Variants in PAK5 observed in about 807,000 individuals in gnomAD.
PAK5 encodes serine/threonine-protein kinase PAK 5.
PAK5 carries 16 observed loss-of-function variants against 65.9 expected under a neutral mutation model. That is an observed-to-expected ratio of 0.24 (90% CI 0.16 to 0.37). The LOEUF (loss-of-function observed/expected upper bound fraction) is 0.37, where lower values mean the gene tolerates loss of function less well. PAK5 is among the 10% of genes least tolerant of loss of function. The pLI, the probability that PAK5 is intolerant of heterozygous loss-of-function variation, is 1.00. For missense variants in PAK5, 785 were observed against 903.9 expected, an observed-to-expected ratio of 0.87 and a Z score of 1.69; for synonymous variants, 371 against 354.9, an observed-to-expected ratio of 1.05 and a Z score of -0.51.
rs538966358 is a variant in PAK5 at position 9,654,651 on chromosome 20, C to A, written c.-11-10312G>T. ...TTAGACCTTTTCTATGACTTCTCAC[C>A]GACCTTAAAAACAAAACCAAACTCC... On this transcript the variant is annotated intron_variant, in intron 2 of 9. Coordinates refer to ENST00000353224, the MANE Select transcript of PAK5 (RefSeq NM_177990.4). 2.0e-5 allele frequency among the ~76,000 whole-genome samples: 3 copies of A among 152,048 alleles called. No homozygotes were observed. In the South Asian group the frequency reaches 6.2e-4, roughly 32 times the overall value.
At chr20:9,692,971 A>G (rs968031329) in intron 2 of PAK5, among the ~76,000 whole-genome samples, 10 of 152,218 alleles carry the variant, frequency 6.6e-5, no homozygotes, top group Non-Finnish European at 1.5e-4. Context: ...AGAATTAAAT[A>G]AAATAAAGTA....
chr20:9,785,459 A>T (rs151155384), intron 1 of PAK5, among the ~76,000 whole-genome samples: 3 of 152,298 alleles, frequency 2.0e-5, no homozygotes, highest in Admixed American at 2.0e-4. Context: ...ATCACAGCAC[A>T]TCTGTTTTGC....
chr20:9,566,428 T>C (rs774196911), intron 4 of PAK5, 44 bp from the exon 5 acceptor site: 8 of 1,574,370 alleles, frequency 5.1e-6, no homozygotes, highest in African/African-American at 1.3e-5. Context: ...ATGCTGGATC[T>C]GAATGCCACA....
intron 1 of PAK5, among the ~76,000 whole-genome samples, chr20:9,733,692 G>A (rs2423449): frequency 2.0e-5 from 3 of 151,850 alleles, no homozygotes; most frequent in Non-Finnish European, 2.9e-5. Flanking sequence ...TGATCCACCC[G>A]CCTCATCCTC....
chr20:9,792,082 T>C (rs1354003079), intron 1 of PAK5, among the ~76,000 whole-genome samples: 3 of 152,118 alleles, frequency 2.0e-5, no homozygotes, highest in African/African-American at 7.2e-5. Flanking sequence ...CCTTGAGGGG[T>C]GACTCAATGA....
intron 7 of PAK5, among the ~76,000 whole-genome samples, 164 bp from the exon 8 acceptor site, chr20:9,544,658 G>T (rs1448875606): frequency 6.6e-6 from 1 of 152,106 alleles, no homozygotes; most frequent in African/African-American, 2.4e-5. Context: ...GGAAAGGCAT[G>T]GTCCATTTTA....
chr20:9,740,675 T>C (rs944204963), intron 1 of PAK5, among the ~76,000 whole-genome samples: 1 of 152,178 alleles, frequency 6.6e-6, no homozygotes, highest in Non-Finnish European at 1.5e-5. Context: ...CAGAGCAGAT[T>C]CGAGTTGCCC....
Position 9,557,333 on chromosome 20 carries a change from G to A in PAK5, c.1743+275C>T, listed in dbSNP as rs6056697. On this transcript the variant is annotated intron_variant, in intron 7 of 9. Coordinates refer to ENST00000353224, the MANE Select transcript of PAK5 (RefSeq NM_177990.4). ...TTCTCCTCCAACAAAAAACAGATGT[G>A]GCAGAAAAGGAAAAGAAATAGCCAT... Among the ~76,000 whole-genome samples the A allele has an allele frequency of 1.1e-3, 168 of 152,198 alleles. 1 individual carries two copies. Among genetic ancestry groups the A allele is most frequent in the African/African-American group, 3.8e-3 (157 of 41,504 alleles).
chr20:9,615,168 G>C (rs1177705783), intron 3 of PAK5, among the ~76,000 whole-genome samples: 1 of 152,212 alleles, frequency 6.6e-6, no homozygotes, highest in African/African-American at 2.4e-5. Flanking sequence ...GTTGTCCGGG[G>C]TTAGGGTGTG....
chr20:9,682,783 T>C (rs80329581), intron 2 of PAK5, among the ~76,000 whole-genome samples: 168 of 152,316 alleles, frequency 1.1e-3, no homozygotes, highest in East Asian at 3.5e-3. Flanking sequence ...TTCACTTTGA[T>C]GGTCAAAGGA....
chr20:9,729,789 G>T (rs74270227), intron 1 of PAK5, among the ~76,000 whole-genome samples: 3 of 151,358 alleles, frequency 2.0e-5, no homozygotes, highest in Non-Finnish European at 2.9e-5. Flanking sequence ...TTGTTTTTTT[G>T]TTTTTTTTAC....
chr20:9,779,525 T>C (rs540789010), intron 1 of PAK5, among the ~76,000 whole-genome samples: 3 of 151,878 alleles, frequency 2.0e-5, no homozygotes, highest in African/African-American at 7.2e-5. Flanking sequence ...GATTTGATGC[T>C]TCATAAAATT....
chr20:9,795,814 G>T (rs749821308), intron 1 of PAK5, among the ~76,000 whole-genome samples: 15 of 151,820 alleles, frequency 9.9e-5, no homozygotes, highest in African/African-American at 2.2e-4. Flanking sequence ...ACTCACAGAG[G>T]GAGAGAGGAA....
intron 1 of PAK5, among the ~76,000 whole-genome samples, chr20:9,744,537 A>T (rs1475306948): frequency 1.3e-5 from 2 of 152,190 alleles, no homozygotes. Context: ...TAAAATATTA[A>T]CAAAGTAAGA....
At chr20:9,794,360 A>G (rs983217351) in intron 1 of PAK5, among the ~76,000 whole-genome samples, 3 of 152,070 alleles carry the variant, frequency 2.0e-5, no homozygotes, top group Admixed American at 6.6e-5. Flanking sequence ...AATTTAAAAC[A>G]AGCAAAAAAG....
intron 3 of PAK5, among the ~76,000 whole-genome samples, chr20:9,596,988 T>C (rs1306773399): frequency 6.6e-6 from 1 of 152,216 alleles, no homozygotes; most frequent in Non-Finnish European, 1.5e-5. Context: ...AGCATGCTCT[T>C]AGTTGCAAGG....
intron 1 of PAK5, among the ~76,000 whole-genome samples, chr20:9,806,547 C>T (rs1249395999): frequency 6.6e-6 from 1 of 152,150 alleles, no homozygotes; most frequent in African/African-American, 2.4e-5. Flanking sequence ...TTTTAGAGCT[C>T]TGTCACTGTG....
At chr20:9,565,462 T>C (rs2045660048) in intron 5 of PAK5, among the ~76,000 whole-genome samples, 1 of 152,202 alleles carries the variant, frequency 6.6e-6, no homozygotes, top group African/African-American at 2.4e-5. Flanking sequence ...TATATTATGA[T>C]ATCATAGTAG....
At chr20:9,701,844 T>TA (rs569215644) in intron 2 of PAK5, among the ~76,000 whole-genome samples, 145 of 151,760 alleles carry the variant, frequency 9.6e-4, no homozygotes, top group African/African-American at 3.4e-3. Flanking sequence ...ACTAAAAATA[T>TA]AAAAAATTAG....
Sources: allele counts gnomAD v4.1 joint callset (sites outside exome capture counted in the v4.1 genomes callset), GRCh38; gene constraint gnomAD v4.1.1; transcripts MANE v1.5; gene names NCBI Gene and HGNC (gene_info 2026-07-23, HGNC 2026-07-21).